STK3: variants seen among roughly 807,000 people sequenced by gnomAD.
The protein encoded by STK3 is serine/threonine-protein kinase 3.
Under a neutral mutation model 58.0 loss-of-function variants are expected in STK3, and 41 were observed. That is an observed-to-expected ratio of 0.71 (90% CI 0.55 to 0.92). The LOEUF (loss-of-function observed/expected upper bound fraction) is 0.92, where lower values mean the gene tolerates loss of function less well. Among genes scored for constraint, STK3 ranks in the 40% least tolerant of loss-of-function variants. The pLI is 0.00. For missense variants in STK3, 479 were observed against 602.7 expected, an observed-to-expected ratio of 0.79 and a Z score of 2.15; for synonymous variants, 170 against 191.0, an observed-to-expected ratio of 0.89 and a Z score of 0.91.
At chr8:98,903,558 T>TTCTTCCTCTTCTTCTTCTTC (rs1564093765) in intron 1 of STK3, among the ~76,000 whole-genome samples, 1 of 68,832 alleles carries the variant, frequency 1.5e-5, no homozygotes, top group Admixed American at 1.5e-4. Context: ...TTCTTCTTCC[T>TTCTTCCTCTTCTTCTTCTTC]TTTTTTTTTT....
At chr8:98,532,543 G>A (rs1028374021) in intron 9 of STK3, among the ~76,000 whole-genome samples, 8 of 152,126 alleles carry the variant, frequency 5.3e-5, no homozygotes, top group African/African-American at 1.9e-4. Flanking sequence ...GAAATACAAA[G>A]TGAGCACATA....
intron 8 of STK3, among the ~76,000 whole-genome samples, chr8:98,555,088 T>C (rs1448545230): frequency 4.6e-5 from 7 of 152,122 alleles, no homozygotes; most frequent in Non-Finnish European, 8.8e-5. Context: ...AACACAGTAC[T>C]GATGATAATC....
chr8:98,653,937 T>C (rs1474411005), intron 6 of STK3, among the ~76,000 whole-genome samples: 1 of 152,178 alleles, frequency 6.6e-6, no homozygotes, highest in Admixed American at 6.5e-5. Context: ...CTTCTGAAAC[T>C]ATTCCAATCA....
intron 10 of STK3, among the ~76,000 whole-genome samples, chr8:98,464,540 TA>T: frequency 0.25 from 17,005 of 69,384 alleles, 979 homozygotes; most frequent in African/African-American, 0.36. Context: ...TACTTAAAGT[TA>T]AAAAAAAAAA....
intron 6 of STK3, among the ~76,000 whole-genome samples, chr8:98,655,716 C>G (rs1412110482): frequency 6.6e-5 from 10 of 151,846 alleles, no homozygotes; most frequent in Non-Finnish European, 1.2e-4. Flanking sequence ...ATTTATGCAG[C>G]CAAAAAACAC....
At position 98,774,209 on chromosome 8, in the gene STK3, A is replaced by G. The variant is rs59098105; in HGVS notation, c.107+530T>C. ...TTTATTATTTTGGAAATTCTCCTAT[A>G]CTTTGCCATTCCATTAAATGCTCCC... On this transcript the variant is annotated intron_variant, in intron 2 of 10. Transcript: ENST00000419617. Among the ~76,000 whole-genome samples the G allele has an allele frequency of 5.1e-3, 772 of 152,148 alleles. 11 individuals are homozygous for G. The highest frequency in any genetic ancestry group is 0.042 in the East Asian group (216 of 5,186).
intron 6 of STK3, among the ~76,000 whole-genome samples, chr8:98,692,022 T>C (rs1195124414): frequency 1.3e-5 from 2 of 151,626 alleles, no homozygotes. Context: ...TATGAAAAGA[T>C]GTTCAATATC....
At chr8:98,579,059 G>A (rs745522393) in intron 8 of STK3, among the ~76,000 whole-genome samples, 2 of 152,096 alleles carry the variant, frequency 1.3e-5, no homozygotes, top group Non-Finnish European at 2.9e-5. Flanking sequence ...GCTGAGGCAG[G>A]AGAATCGCTT....
chr8:98,756,731 A>C (rs1830308182), intron 3 of STK3, among the ~76,000 whole-genome samples: 1 of 152,222 alleles, frequency 6.6e-6, no homozygotes, highest in African/African-American at 2.4e-5. Flanking sequence ...TGCCCCTCTC[A>C]GGGTAAGCTA....
chr8:98,717,674 A>G lies in STK3; in HGVS notation c.352-10363T>C, dbSNP rs141528292. On this transcript the variant is annotated intron_variant, in intron 4 of 10. Coordinates refer to ENST00000419617, the MANE Select transcript of STK3 (RefSeq NM_006281.4). ...CCAGCAATTCCACTTTTGGGTAAAT[A>G]CTCAAAAGAATTAAATGCAGGGTCT... Among the ~76,000 whole-genome samples, 22 of 152,306 alleles carry G rather than the reference A, an allele frequency of 1.4e-4. No individual in the cohort carries two copies. The East Asian group carries it at 3.9e-3, about 27-fold the overall frequency.
At chr8:98,705,315 A>C (rs932640089) in intron 6 of STK3, among the ~76,000 whole-genome samples, 3 of 151,324 alleles carry the variant, frequency 2.0e-5, no homozygotes, top group African/African-American at 7.3e-5. Flanking sequence ...CTGCAGGCTG[A>C]GGTGGGAGGA....
downstream of STK3, among the ~76,000 whole-genome samples, chr8:98,367,151 A>G (rs537707960): frequency 3.3e-5 from 5 of 152,216 alleles, no homozygotes; most frequent in Non-Finnish European, 5.9e-5. Context: ...CAGGGTTGTT[A>G]TAAGAATTGT....
chr8:98,749,230 T>A (rs1428455177), intron 4 of STK3, 46 bp downstream of exon 4: 2 of 1,381,536 alleles, frequency 1.4e-6, no homozygotes, highest in Admixed American at 3.9e-5. Flanking sequence ...TTCTAAAATA[T>A]CAATCTTTAG....
intron 1 of STK3, among the ~76,000 whole-genome samples, chr8:98,895,544 G>C (rs550008242): frequency 3.3e-5 from 5 of 152,244 alleles, no homozygotes; most frequent in South Asian, 4.1e-4. Flanking sequence ...TGGGAAGTAA[G>C]GATGCATGAT....
rs753774921 is a variant in STK3, at chr8:98,428,868, C to T, written n.483+5259G>A. 5 of 1,614,218 alleles carry T rather than the reference C, an allele frequency of 3.1e-6. No homozygotes were observed. In the South Asian group the frequency reaches 5.5e-5, roughly 18 times the overall value. On this transcript the variant is annotated intron_variant and non_coding_transcript_variant, in intron 3 of 3. Coordinates refer to the STK3 transcript ENST00000517832. This position sits in a 1 kb window ranked among gnomAD's most constrained non-coding sequence, Gnocchi z 6.7. ...CAACTTGGGCAGGGTGGCCCAGGTC[C>T]TGAGGCTGATGCGGATCTTCCGCAT...
chr8:98,426,022 G>A (rs1818228791), intron 3 of STK3, among the ~76,000 whole-genome samples: 1 of 152,102 alleles, frequency 6.6e-6, no homozygotes, highest in African/African-American at 2.4e-5. Flanking sequence ...AGTAGGCAGG[G>A]CCTTAAGGAC....
intron 6 of STK3, among the ~76,000 whole-genome samples, chr8:98,644,361 TGA>T (rs1185432719): frequency 6.6e-6 from 1 of 152,194 alleles, no homozygotes; most frequent in African/African-American, 2.4e-5. Context: ...CATAATCTTT[TGA>T]GAGAGCAACT....
intron 6 of STK3, chr8:98,597,941 T>C: frequency 1.0e-6 from 1 of 985,058 alleles, no homozygotes; most frequent in Non-Finnish European, 1.2e-6. Context: ...CAGAACCTAA[T>C]AAGGCTTTAA....
At chr8:98,649,943 C>A (rs1218042170) in intron 6 of STK3, among the ~76,000 whole-genome samples, 1 of 152,060 alleles carries the variant, frequency 6.6e-6, no homozygotes, top group Non-Finnish European at 1.5e-5. Flanking sequence ...CAGAAGTGTA[C>A]TTCTTTTGTT....
Sources: gnomAD v4.1 joint callset for allele counts (sites outside exome capture counted in the v4.1 genomes callset) on GRCh38, gnomAD v4.1.1 for gene constraint, Gnocchi (gnomAD v3.1) non-coding constraint, MANE v1.5 for transcripts, NCBI Gene and HGNC (gene_info 2026-07-23, HGNC 2026-07-21) for gene names.